WIPF2: variants seen among roughly 807,000 people sequenced by gnomAD.
WIPF2 encodes the protein WAS/WASL interacting protein family member 2.
Under a neutral mutation model 38.8 loss-of-function variants are expected in WIPF2, and 23 were observed. The ratio of observed to expected loss-of-function variants is 0.59; its 90% CI spans 0.43 to 0.84. The LOEUF (loss-of-function observed/expected upper bound fraction) is 0.84. WIPF2 is among the 40% of genes least tolerant of loss of function. The probability of loss-of-function intolerance (pLI) is 0.00; values close to 1 mark genes in which losing one functional copy is unlikely to be tolerated. For synonymous variants in WIPF2, 210 were observed against 223.2 expected (o/e 0.94, Z 0.53); for missense variants, 574 against 580.5 (o/e 0.99, Z 0.11).
At chr17:40,239,319 C>G (rs2031098801) in intron 1 of WIPF2, among the ~76,000 whole-genome samples, 1 of 152,056 alleles carries the variant, frequency 6.6e-6, no homozygotes, top group Non-Finnish European at 1.5e-5. Flanking sequence ...GATCCGCCCC[C>G]TTCAGCCTCC....
Position 40,265,058 on chromosome 17 carries a change from A to C in WIPF2, c.882A>C (p.Leu294=), listed in dbSNP as rs202037769. ...HRKTPGPVRG[L]APPPPTSASP... is the part of the protein sequence containing the mutation. The stretch of plus-strand genomic sequence containing the variant: ...AGACACCAGGGCCTGTCAGAGGCCT[A>C]GCACCTCCTCCACCCACCTCGGCCT... Residue 294 remains leucine (L), a synonymous_variant, in exon 5 of 8, where the codon CTA becomes CTC. Transcript: ENST00000323571. 19 of 1,613,942 alleles carry C rather than the reference A, an allele frequency of 1.2e-5. No individual in the cohort carries two copies. The African/African-American group carries it at 1.9e-4, about 16-fold the overall frequency.
chr17:40,249,845 T>C (rs981222884), intron 1 of WIPF2, among the ~76,000 whole-genome samples: 8 of 152,004 alleles, frequency 5.3e-5, no homozygotes, highest in Non-Finnish European at 1.0e-4. Context: ...ATTTTTTTTT[T>C]TTTTTGAGAT....
In WIPF2 at chr17:40,250,224, T is replaced by G. The variant is rs201938170; in HGVS notation, c.-69-6167T>G. Among the ~76,000 whole-genome samples the G allele has an allele frequency of 5.6e-5, 6 of 106,342 alleles. No homozygotes were observed. In the East Asian group the frequency reaches 1.1e-3, roughly 20 times the overall value. The allele number at this position is 106,342 out of a possible 152,430, so 69.8% of individuals were successfully genotyped here. ...TGCAAAGCGAATTTTATCATGTTTTTTTTTTTTTTTTTTTTTTTTTTTTGA... is the reference window on the plus strand; with the variant it reads ...TGCAAAGCGAATTTTATCATGTTTTGTTTTTTTTTTTTTTTTTTTTTTTGA... On this transcript the variant is annotated intron_variant, in intron 1 of 7. Coordinates refer to ENST00000323571, the MANE Select transcript of WIPF2 (RefSeq NM_133264.5).
At position 40,280,360 on chromosome 17, in the gene WIPF2, T is replaced by A. The variant is rs1342063367; in HGVS notation, c.*2135T>A. The A allele has an allele frequency of 6.6e-6, 1 of 152,384 alleles. No individual in the cohort carries two copies. Among genetic ancestry groups the A allele is most frequent in the African/African-American group, 2.4e-5 (1 of 41,450 alleles). 9.4% of individuals were successfully genotyped at this position (152,384 alleles called of 1,614,324 possible). On this transcript the variant is annotated 3_prime_UTR_variant, in exon 8 of 8. Transcript: ENST00000323571. ...GGCATGTGCCTGTAGTCCCAGCTAC[T>A]GGGGAGGCTGAGGCAGGAGAATCGC...
chr17:40,232,342 A>G (rs1431558109), intron 1 of WIPF2, among the ~76,000 whole-genome samples: 3 of 151,370 alleles, frequency 2.0e-5, no homozygotes, highest in Non-Finnish European at 4.4e-5. Flanking sequence ...GGTGCACGCC[A>G]CCACACACAG....
At chr17:40,248,163 CTTTTT>C (rs60359132) in intron 1 of WIPF2, among the ~76,000 whole-genome samples, 4 of 47,620 alleles carry the variant, frequency 8.4e-5, no homozygotes, top group Admixed American at 2.3e-4. Context: ...AAAGTTATTT[CTTTTT>C]TTTTTTTTTT....
chr17:40,283,212 C>A lies in WIPF2; in HGVS notation c.*4987C>A, dbSNP rs1488469015. On this transcript the variant is annotated 3_prime_UTR_variant, in exon 8 of 8. Transcript: ENST00000323571. ...AAAAAATTCTAGAGTTCTAGTTACC[C>A]TTCCTGGGAGATTCTGATGGTCCTT... 7.2e-6 allele frequency: 1 copy of A among 139,780 alleles called. No homozygotes were observed. Among genetic ancestry groups the A allele is most frequent in the Non-Finnish European group, 1.5e-5 (1 of 66,118 alleles). The allele number at this position is 139,780 out of a possible 1,614,324, so 8.7% of individuals were successfully genotyped here.
chr17:40,252,798 T>A (rs1237128389), intron 1 of WIPF2, among the ~76,000 whole-genome samples: 2 of 151,652 alleles, frequency 1.3e-5, no homozygotes, highest in Non-Finnish European at 2.9e-5. Context: ...AGTTTCGCTC[T>A]TGTTGCCCAG....
At chr17:40,242,699 G>A (rs987622710) in intron 1 of WIPF2, among the ~76,000 whole-genome samples, 1 of 152,134 alleles carries the variant, frequency 6.6e-6, no homozygotes, top group African/African-American at 2.4e-5. Flanking sequence ...ACTGTGCCTG[G>A]CCAAGAAACA....
At chr17:40,253,913 G>T (rs1263920359) in intron 1 of WIPF2, among the ~76,000 whole-genome samples, 1 of 152,102 alleles carries the variant, frequency 6.6e-6, no homozygotes, top group Non-Finnish European at 1.5e-5. Flanking sequence ...CATTCCCAGA[G>T]CATTGAGAGA....
intron 1 of WIPF2, among the ~76,000 whole-genome samples, chr17:40,227,923 G>GTT (rs933995111): frequency 1.1e-4 from 13 of 115,796 alleles, no homozygotes; most frequent in Admixed American, 8.4e-5. Flanking sequence ...TATATTTCTT[G>GTT]TTTTTTTTTT....
intron 1 of WIPF2, among the ~76,000 whole-genome samples, chr17:40,226,142 C>T (rs2030473370): frequency 6.7e-6 from 1 of 148,400 alleles, no homozygotes; most frequent in Non-Finnish European, 1.5e-5. Context: ...AATAATCCCT[C>T]TGACTGTGAA....
At chr17:40,222,827 C>T (rs948083328) in intron 1 of WIPF2, among the ~76,000 whole-genome samples, 6 of 149,338 alleles carry the variant, frequency 4.0e-5, no homozygotes, top group South Asian at 2.1e-4. Context: ...TGCACCACCA[C>T]GCCCAGCTAA....
intron 1 of WIPF2, among the ~76,000 whole-genome samples, chr17:40,228,938 C>CT (rs372065186): frequency 4.6e-4 from 66 of 144,246 alleles, no homozygotes; most frequent in Admixed American, 2.7e-3. Context: ...CGGTGGAAGA[C>CT]TTTTTTTTTT....
rs544713423 is a variant in WIPF2, at chr17:40,274,184, A to C, written c.1180+185A>C. Among the ~76,000 whole-genome samples the C allele has an allele frequency of 4.6e-5, 7 of 152,284 alleles. No individual in the cohort carries two copies. The South Asian group carries it at 1.5e-3, about 32-fold the overall frequency. On this transcript the variant is annotated intron_variant, in intron 6 of 7. Transcript: ENST00000323571. ...TGTTCATTGACTTCCTTATCTTGAT[A>C]TGAATTCTAAGCATGGATGCTTTGG...
chr17:40,225,794 C>T (rs1225762543), intron 1 of WIPF2, among the ~76,000 whole-genome samples: 1 of 151,988 alleles, frequency 6.6e-6, no homozygotes, highest in Non-Finnish European at 1.5e-5. Context: ...GTAGCTGGGA[C>T]TACAGGCGCA....
intron 6 of WIPF2, among the ~76,000 whole-genome samples, chr17:40,275,112 G>A (rs755770781): frequency 2.8e-4 from 43 of 151,088 alleles, no homozygotes; most frequent in Non-Finnish European, 5.5e-4. Flanking sequence ...ATGATGGCAC[G>A]CAGCCATAAT....
rs2032315141 is a variant in WIPF2, at chr17:40,273,921, G to C, written c.1102G>C (p.Ala368Pro). ...KPPPPPSRTPAGPPPPPPPPL... is the reference protein window; with the variant it reads ...KPPPPPSRTPPGPPPPPPPPL... ...CCCACCTCCACCCTCAAGGACGCCA[G>C]CTGGGCCACCCCCTCCTCCTCCACC... The change falls in exon 6 of 8, where the codon GCT (alanine) becomes CCT (proline). Residue 368 changes from alanine to proline, a missense_variant. Coordinates refer to ENST00000323571, the MANE Select transcript of WIPF2 (RefSeq NM_133264.5). The C allele has an allele frequency of 1.9e-6, 3 of 1,585,518 alleles. No individual in the cohort carries two copies. The highest frequency in any genetic ancestry group is 2.6e-6 in the Non-Finnish European group (3 of 1,167,310).
intron 1 of WIPF2, chr17:40,220,627 A>C (rs1241220783): frequency 7.9e-6 from 1 of 127,056 alleles, no homozygotes; most frequent in Admixed American, 8.6e-5. Context: ...ATGTATATAT[A>C]TATATTTTTT....
Sources: allele counts gnomAD v4.1 joint callset (sites outside exome capture counted in the v4.1 genomes callset), GRCh38; gene constraint gnomAD v4.1.1; transcripts MANE v1.5; gene names NCBI Gene and HGNC (gene_info 2026-07-23, HGNC 2026-07-21).